The following EPHA5 variants were observed in gnomAD, a reference collection of about 807,000 sequenced individuals.
The protein encoded by EPHA5 is ephrin type-A receptor 5.
Under a neutral mutation model 105.0 loss-of-function variants are expected in EPHA5, and 60 were observed. The observed-to-expected ratio is 0.57, with a 90% confidence interval of 0.46 to 0.71. The LOEUF is 0.71. Among genes scored for constraint, EPHA5 ranks in the 30% least tolerant of loss-of-function variants. EPHA5 has a pLI of 0.00. For synonymous variants in EPHA5, 513 were observed against 449.1 expected (o/e 1.14, Z -1.80); for missense variants, 1,218 against 1,274.7 (o/e 0.96, Z 0.68).
chr4:65,419,930 A>G (rs933052495), intron 6 of EPHA5, among the ~76,000 whole-genome samples: 2 of 152,316 alleles, frequency 1.3e-5, no homozygotes, highest in South Asian at 2.1e-4. Flanking sequence ...AGGGAACGTG[A>G]TGCATACATT....
intron 8 of EPHA5, among the ~76,000 whole-genome samples, chr4:65,384,167 C>A (rs1027431740): frequency 6.6e-6 from 1 of 151,764 alleles, no homozygotes; most frequent in Non-Finnish European, 1.5e-5. Context: ...ATGCCATATG[C>A]ACTCATACCC....
At chr4:65,617,720 CAT>C (rs1242961086) in intron 2 of EPHA5, among the ~76,000 whole-genome samples, 1 of 152,014 alleles carries the variant, frequency 6.6e-6, no homozygotes, top group Non-Finnish European at 1.5e-5. Context: ...AATTCTGTCA[CAT>C]GTTTTTAAGA....
At chr4:65,616,964 C>T (rs1263567082) in intron 2 of EPHA5, among the ~76,000 whole-genome samples, 1 of 151,986 alleles carries the variant, frequency 6.6e-6, no homozygotes, top group Non-Finnish European at 1.5e-5. Context: ...AGTAAATCTG[C>T]ATAGTATGCA....
intron 16 of EPHA5, among the ~76,000 whole-genome samples, chr4:65,330,127 C>A (rs1298627737): frequency 6.6e-6 from 1 of 151,304 alleles, no homozygotes; most frequent in Non-Finnish European, 1.5e-5. Context: ...CCAATACTTT[C>A]TGAATGGGAA....
chr4:65,363,352 T>C (rs1040229791), intron 11 of EPHA5, among the ~76,000 whole-genome samples: 4 of 151,604 alleles, frequency 2.6e-5, no homozygotes, highest in African/African-American at 9.7e-5. Flanking sequence ...AGGTTCTAAA[T>C]GTTTATGATG....
chr4:65,528,555 T>C (rs1408629339), intron 3 of EPHA5, among the ~76,000 whole-genome samples: 1 of 152,182 alleles, frequency 6.6e-6, no homozygotes, highest in Non-Finnish European at 1.5e-5. Flanking sequence ...CCATCTTTTA[T>C]TGTTTAATTC....
chr4:65,574,743 C>CGT (rs1553942859), intron 3 of EPHA5, among the ~76,000 whole-genome samples: 4 of 80,296 alleles, frequency 5.0e-5, no homozygotes, highest in Non-Finnish European at 7.5e-5. Context: ...TATATATATA[C>CGT]ATATATATAT....
At chr4:65,450,488 G>A (rs577690646) in intron 5 of EPHA5, among the ~76,000 whole-genome samples, 4 of 152,122 alleles carry the variant, frequency 2.6e-5, no homozygotes, top group Non-Finnish European at 4.4e-5. Context: ...TGACCATTAT[G>A]CTGAGGGGCA....
chr4:65,384,711 T>A (rs1057366110), intron 8 of EPHA5, among the ~76,000 whole-genome samples: 1 of 151,948 alleles, frequency 6.6e-6, no homozygotes, highest in Non-Finnish European at 1.5e-5. Flanking sequence ...GATTTCAGCT[T>A]ATTTCCACAG....
intron 5 of EPHA5, among the ~76,000 whole-genome samples, chr4:65,451,190 C>T (rs921825179): frequency 9.2e-5 from 14 of 152,026 alleles, no homozygotes; most frequent in Admixed American, 7.9e-4. Flanking sequence ...GCATCACATA[C>T]ATTGACTGGT....
Position 65,351,453 on chromosome 4 carries a change from T to C in EPHA5, c.2381A>G (p.Lys794Arg), listed in dbSNP as rs1417141503. 1 of 1,613,822 alleles carries C rather than the reference T, an allele frequency of 6.2e-7. No individual in the cohort carries two copies. Among genetic ancestry groups the C allele is most frequent in the East Asian group, 2.2e-5 (1 of 44,844 alleles). ...CCGGGAAAGTCCAAAGTCAGACACT[T>C]TGCACACAAGGTTACTGTTGATTAA... ...NILINSNLVC[K>R]VSDFGLSRVL... Residue 794 changes from lysine (K) to arginine (R), a missense_variant, in exon 13 of 17, where the codon AAA (lysine) becomes AGA (arginine). By Grantham distance (26) the Lys-to-Arg change is conservative. Coordinates refer to ENST00000613740, the MANE Select transcript of EPHA5 (RefSeq NM_001281766.3).
At chr4:65,663,379 C>G (rs530355430) in intron 1 of EPHA5, among the ~76,000 whole-genome samples, 1 of 151,980 alleles carries the variant, frequency 6.6e-6, no homozygotes, top group South Asian at 2.1e-4. Context: ...AGTGGGACAC[C>G]TACTAAATTA....
intron 3 of EPHA5, among the ~76,000 whole-genome samples, chr4:65,523,130 A>C (rs896553968): frequency 6.6e-6 from 1 of 152,094 alleles, no homozygotes; most frequent in East Asian, 1.9e-4. Flanking sequence ...ATATTATTTA[A>C]TGTATGTTTA....
rs1731973822 is a variant in EPHA5 at position 65,496,653 on chromosome 4, A to C, written c.911-1110T>G. 3.3e-5 allele frequency among the ~76,000 whole-genome samples: 5 copies of C among 151,794 alleles called. No individual in the cohort carries two copies. In the South Asian group the frequency reaches 1.0e-3, roughly 32 times the overall value. The stretch of plus-strand genomic sequence containing the variant: ...ATTGTTGGACATTTGGGTTGGTTCC[A>C]AGTCTTTGCTATTGTGAATAATGCC... On this transcript the variant is annotated intron_variant, in intron 3 of 16. Coordinates refer to ENST00000613740, the MANE Select transcript of EPHA5 (RefSeq NM_001281766.3).
intron 5 of EPHA5, among the ~76,000 whole-genome samples, chr4:65,460,010 C>T (rs534667085): frequency 2.6e-5 from 4 of 151,572 alleles, no homozygotes; most frequent in Admixed American, 1.3e-4. Context: ...ATAATCTACC[C>T]TTAATATTAA....
chr4:65,604,140 G>A (rs1210273269), intron 2 of EPHA5, among the ~76,000 whole-genome samples: 1 of 5,168 alleles, frequency 1.9e-4, no homozygotes, highest in Non-Finnish European at 8.4e-4. Context: ...CCTATTTCTG[G>A]ACAATATATT....
intron 3 of EPHA5, among the ~76,000 whole-genome samples, chr4:65,591,414 A>C (rs1383289449): frequency 1.3e-5 from 2 of 151,932 alleles, no homozygotes; most frequent in Non-Finnish European, 2.9e-5. Flanking sequence ...ATTTAACTTT[A>C]TCATATCATT....
At chr4:65,418,560 A>G (rs1723613954) in intron 6 of EPHA5, among the ~76,000 whole-genome samples, 1 of 152,186 alleles carries the variant, frequency 6.6e-6, no homozygotes, top group Admixed American at 6.5e-5. Context: ...AGTATGTGTC[A>G]TCATTTATGT....
At chr4:65,501,089 T>C (rs889301746) in intron 3 of EPHA5, among the ~76,000 whole-genome samples, 3 of 151,380 alleles carry the variant, frequency 2.0e-5, no homozygotes, top group Non-Finnish European at 4.4e-5. Flanking sequence ...ACTCAGAAGA[T>C]AGTTTAGTGT....
Sources: gnomAD v4.1 joint callset for allele counts (sites outside exome capture counted in the v4.1 genomes callset) on GRCh38, gnomAD v4.1.1 for gene constraint, MANE v1.5 for transcripts, NCBI Gene and HGNC (gene_info 2026-07-23, HGNC 2026-07-21) for gene names.